The following OCA2 variants were observed in gnomAD, a reference collection of about 807,000 sequenced individuals.
OCA2 encodes OCA2 melanosomal transmembrane protein.
In OCA2, 77 loss-of-function variants were observed where a neutral mutation model predicts 100.2. That is an observed-to-expected ratio of 0.77 (90% confidence interval 0.64 to 0.93). The LOEUF is 0.93. OCA2 is among the 40% of genes least tolerant of loss of function. The probability of loss-of-function intolerance (pLI) is 0.00; values close to 1 mark genes in which losing one functional copy is unlikely to be tolerated. For synonymous variants in OCA2, 432 were observed against 439.2 expected, an observed-to-expected ratio of 0.98 and a Z score of 0.21; for missense variants, 1,062 against 1,089.1, an observed-to-expected ratio of 0.98 and a Z score of 0.35.
At chr15:27,907,300 G>A (rs2038214205) in intron 19 of OCA2, among the ~76,000 whole-genome samples, 1 of 152,012 alleles carries the variant, frequency 6.6e-6, no homozygotes, top group African/African-American at 2.4e-5. Flanking sequence ...CAATTCTTGT[G>A]GGAAATAGAA....
intron 19 of OCA2, among the ~76,000 whole-genome samples, chr15:27,902,203 A>AGTT (rs1357658989): frequency 1.4e-5 from 1 of 73,240 alleles, no homozygotes; most frequent in Admixed American, 1.7e-4. Flanking sequence ...ATGAAAAAAA[A>AGTT]GTTGTTGTTG....
chr15:27,733,840 A>G, the OCA2 span, among the ~76,000 whole-genome samples: 4 of 152,026 alleles, frequency 2.6e-5, no homozygotes, highest in Non-Finnish European at 4.4e-5. Context: ...TATCATTTAA[A>G]ATATTACATA....
chr15:28,036,694 T>C (rs2043053952), intron 2 of OCA2, among the ~76,000 whole-genome samples: 1 of 150,632 alleles, frequency 6.6e-6, no homozygotes, highest in African/African-American at 2.5e-5. Flanking sequence ...TATCATCATA[T>C]TGACAAAAAA....
intron 23 of OCA2, among the ~76,000 whole-genome samples, chr15:27,823,396 C>T (rs1316579547): frequency 1.3e-5 from 2 of 151,386 alleles, no homozygotes; most frequent in African/African-American, 2.4e-5. Flanking sequence ...AGTCATATGC[C>T]GATTATAGTG....
At chr15:27,767,633 A>G (rs902772499) in intron 23 of OCA2, among the ~76,000 whole-genome samples, 1 of 152,122 alleles carries the variant, frequency 6.6e-6, no homozygotes, top group Non-Finnish European at 1.5e-5. Flanking sequence ...AAATGCACCA[A>G]TCAGCACTCT....
At chr15:27,982,158 C>T (rs1472807115) in intron 14 of OCA2, among the ~76,000 whole-genome samples, 2 of 152,138 alleles carry the variant, frequency 1.3e-5, no homozygotes, top group African/African-American at 2.4e-5. Context: ...GTCTTTTGTA[C>T]TCATCTATAT....
intron 19 of OCA2, among the ~76,000 whole-genome samples, chr15:27,892,579 A>T (rs1034173525): frequency 6.6e-6 from 1 of 152,180 alleles, no homozygotes; most frequent in Non-Finnish European, 1.5e-5. Flanking sequence ...ACAAAACTTT[A>T]TAACACTAAA....
intron 17 of OCA2, among the ~76,000 whole-genome samples, chr15:27,954,694 G>A (rs1410126378): frequency 6.7e-6 from 1 of 150,216 alleles, no homozygotes; most frequent in Non-Finnish European, 1.5e-5. Context: ...ATGGAAGAAT[G>A]AGCCAAAAAA....
intron 19 of OCA2, among the ~76,000 whole-genome samples, chr15:27,886,701 A>G (rs2037237346): frequency 6.6e-6 from 1 of 152,204 alleles, no homozygotes; most frequent in African/African-American, 2.4e-5. Context: ...ACAAATTAAA[A>G]ACAAAATGAC....
chr15:27,881,586 G>T (rs2037017484), intron 19 of OCA2, among the ~76,000 whole-genome samples: 1 of 152,120 alleles, frequency 6.6e-6, no homozygotes, highest in South Asian at 2.1e-4. Context: ...CTTCTTCCAG[G>T]TTCAGTCCTG....
chr15:27,980,457 A>G (rs1372725556), intron 14 of OCA2, among the ~76,000 whole-genome samples: 1 of 152,146 alleles, frequency 6.6e-6, no homozygotes, highest in African/African-American at 2.4e-5. Flanking sequence ...GAATTTCCCC[A>G]TGTAGTTACC....
At chr15:27,748,263 A>G in the OCA2 span, among the ~76,000 whole-genome samples, 2 of 152,188 alleles carry the variant, frequency 1.3e-5, no homozygotes, top group African/African-American at 2.4e-5. Context: ...TCCTGCTCCC[A>G]AACTACCTGG....
chr15:27,837,932 C>T (rs1347844053), intron 23 of OCA2, among the ~76,000 whole-genome samples: 1 of 151,856 alleles, frequency 6.6e-6, no homozygotes, highest in African/African-American at 2.4e-5. Context: ...TGCTCTCCAC[C>T]ACACTGACCA....
At chr15:27,931,991 A>G (rs182130058) in intron 18 of OCA2, among the ~76,000 whole-genome samples, 132 of 152,314 alleles carry the variant, frequency 8.7e-4, no homozygotes, top group African/African-American at 3.1e-3. Flanking sequence ...AGCTTAAGGG[A>G]TACAGATGGG....
intron 1 of OCA2, 142 bp from the exon 2 acceptor site, chr15:28,082,037 C>T: frequency 1.4e-6 from 1 of 710,320 alleles, no homozygotes. Context: ...AAGAGCATTT[C>T]ACCCTAGTGA....
chr15:28,033,522 A>G (rs1595859033), intron 2 of OCA2, among the ~76,000 whole-genome samples: 2 of 152,198 alleles, frequency 1.3e-5, no homozygotes, highest in East Asian at 3.9e-4. Context: ...GCCTCTGGGA[A>G]GTCAGAAAAG....
intron 19 of OCA2, among the ~76,000 whole-genome samples, chr15:27,877,717 C>T (rs979067674): frequency 1.3e-5 from 2 of 151,926 alleles, no homozygotes; most frequent in Non-Finnish European, 2.9e-5. Flanking sequence ...TATCATTGCT[C>T]AGCCTTTCAG....
At chr15:27,831,308 C>CAAAAAAAAA (rs2034947228) in intron 23 of OCA2, among the ~76,000 whole-genome samples, 4 of 66,878 alleles carry the variant, frequency 6.0e-5, no homozygotes, top group African/African-American at 1.9e-4. Context: ...AAAAAAAAAT[C>CAAAAAAAAA]GGTCTGAGTC....
rs1205583987 is a variant in OCA2, at chr15:27,870,664, AAAGGAAGGAAGGAAGGAAAG to A, written c.2244+470_2244+489del. Among the ~76,000 whole-genome samples the A allele has an allele frequency of 1.2e-3, 150 of 122,386 alleles. 2 individuals carry two copies. Among genetic ancestry groups the A allele is most frequent in the African/African-American group, 4.9e-3 (149 of 30,338 alleles). 80.3% of individuals were successfully genotyped at this position (122,386 alleles called of 152,430 possible). ...ATCTTTTGATGTCTCACAATTTTCG[AAAGGAAGGAAGGAAGGAAAG>A]AAGGAAGGAAGGAAAGAAGGAAGGA... On this transcript the variant is annotated intron_variant, in intron 21 of 23. Coordinates refer to ENST00000354638, the MANE Select transcript of OCA2 (RefSeq NM_000275.3).
Sources: allele counts gnomAD v4.1 joint callset (sites outside exome capture counted in the v4.1 genomes callset), GRCh38; gene constraint gnomAD v4.1.1; transcripts MANE v1.5; gene names NCBI Gene and HGNC (gene_info 2026-07-23, HGNC 2026-07-21).